The following SCAF1 variants were observed in gnomAD, a reference collection of about 807,000 sequenced individuals.
SCAF1 encodes SR-related CTD associated factor 1.
In SCAF1, 28 loss-of-function variants were observed where a neutral mutation model predicts 91.2. The observed-to-expected ratio is 0.31, with a 90% CI of 0.23 to 0.42. The LOEUF (loss-of-function observed/expected upper bound fraction) is 0.42, where lower values mean the gene tolerates loss of function less well. SCAF1 is among the 10% of genes least tolerant of loss of function. The pLI is 1.00. For missense variants in SCAF1, 1,893 were observed against 1,872.1 expected (o/e 1.01, Z -0.21); for synonymous variants, 1,036 against 833.7 (o/e 1.24, Z -4.18).
Position 49,654,329 on chromosome 19 carries a change from C to T in SCAF1, c.3317-20C>T, listed in dbSNP as rs1391756305. The T allele has an allele frequency of 2.5e-6, 4 of 1,610,102 alleles. No homozygotes were observed. Among genetic ancestry groups the T allele is most frequent in the Non-Finnish European group, 3.4e-6 (4 of 1,177,350 alleles). On this transcript the variant is annotated intron_variant, in intron 7 of 10. Transcript: ENST00000360565. ...GTCACCTCTCCCATCTTCATGTTGT[C>T]ACCTCTCTGCCTCCTGCAGTGACTG...
Position 49,652,759 on chromosome 19 carries a change from G to C in SCAF1, c.2370G>C (p.Arg790Ser). 6.2e-7 allele frequency: 1 copy of C among 1,611,710 alleles called. No individual in the cohort carries two copies. Among genetic ancestry groups the C allele is most frequent in the South Asian group, 1.1e-5 (1 of 90,704 alleles). ...GGGACAGAGATAGGGACAGGGACAG[G>C]TCATCCAAGAAGGCCCGGCCCCCCA... ...RDRDRDRDRD[R>S]SSKKARPPKE... Residue 790 changes from arginine to serine, a missense_variant, in exon 7 of 11, where the codon AGG (arginine) becomes AGC (serine). By Grantham distance (110) the Arg-to-Ser change is moderately radical. Around this residue, in one of 5 missense-constraint regions of SCAF1, gnomAD observed 1,436 missense variants for 1,306.8 expected, o/e 1.10. Transcript: ENST00000360565.
At chr19:49,655,936 GC>G (rs2081136297) in intron 9 of SCAF1, among the ~76,000 whole-genome samples, 1 of 152,212 alleles carries the variant, frequency 6.6e-6, no homozygotes, top group South Asian at 2.1e-4. Context: ...CTCCCAAAGT[GC>G]TGGGATTATA....
At position 49,651,896 on chromosome 19, in the gene SCAF1, C is replaced by G; in HGVS notation, c.1507C>G (p.Pro503Ala). 1 of 1,166,070 alleles carries G rather than the reference C, an allele frequency of 8.6e-7. No homozygotes were observed. The highest frequency in any genetic ancestry group is 1.1e-6 in the Non-Finnish European group (1 of 942,354). 72.2% of individuals were successfully genotyped at this position (1,166,070 alleles called of 1,614,324 possible). ...RYRQRSPSPA[P>A]APAPAAAAGP... ...CCGCCAGCGCTCGCCCTCCCCGGCGCCCGCGCCCGCCCCGGCCGCCGCTGC... is the reference window on the plus strand; with the variant it reads ...CCGCCAGCGCTCGCCCTCCCCGGCGGCCGCGCCCGCCCCGGCCGCCGCTGC... Residue 503 changes from proline to alanine, a missense_variant, in exon 7 of 11, where the codon CCC becomes GCC. Coordinates refer to ENST00000360565, the MANE Select transcript of SCAF1 (RefSeq NM_021228.3).
rs2081048044 is a variant in SCAF1, at chr19:49,645,258, A to G, written c.109-96A>G. ...TGGCTCCCTTGAAGCACTTGAGTCT[A>G]GCTGTCAGTGTCTGGGATGTCTGTC... On this transcript the variant is annotated intron_variant, in intron 2 of 10. Transcript: ENST00000360565. This position sits in a 1 kb window ranked among gnomAD's most constrained non-coding sequence, Gnocchi z 4.6. The G allele has an allele frequency of 2.0e-6, 3 of 1,516,434 alleles. No individual in the cohort carries two copies. The highest frequency in any genetic ancestry group is 2.7e-6 in the Non-Finnish European group (3 of 1,093,324). The allele number at this position is 1,516,434 out of a possible 1,614,324, so 93.9% of individuals were successfully genotyped here.
rs879133863 is a variant in SCAF1 at position 49,658,365 on chromosome 19, A to T, written c.3905A>T (p.Lys1302Met). The change falls in exon 11 of 11, where the codon AAG (lysine) becomes ATG (methionine). Residue 1302 changes from lysine (K) to methionine (M), a missense_variant. By Grantham distance (95) the Lys-to-Met change is moderately conservative. Around this residue, in one of 5 missense-constraint regions of SCAF1, gnomAD observed 51 missense variants for 49.9 expected, o/e 1.02. Transcript: ENST00000360565. ...RPPKEPGPPD[K>M]GGPGLPLPPL Reference sequence around the variant, plus strand: ...CCCAAGGAGCCAGGGCCCCCAGACAAGGGTGGCCCGGGCCTGCCCCTGCCC... The same window carrying T: ...CCCAAGGAGCCAGGGCCCCCAGACATGGGTGGCCCGGGCCTGCCCCTGCCC... 7.7e-6 allele frequency: 12 copies of T among 1,555,396 alleles called. No homozygotes were observed. The highest frequency in any genetic ancestry group is 1.4e-5 in the African/African-American group (1 of 73,216).
chr19:49,652,219 G>A lies in SCAF1; in HGVS notation c.1830G>A (p.Arg610=). The change falls in exon 7 of 11, where the codon CGG becomes CGA. Residue 610 remains arginine, a synonymous_variant. Transcript: ENST00000360565. ...CCCGGGAGAAGCGGCGACGGCGGCG[G>A]CGCTCCGCCTCCCCGCCCCCGGCCA... ...SRSREKRRRR[R]RSASPPPATS... The A allele has an allele frequency of 7.5e-7, 1 of 1,341,978 alleles. No homozygotes were observed. Among genetic ancestry groups the A allele is most frequent in the South Asian group, 1.8e-5 (1 of 56,646 alleles). 83.1% of individuals were successfully genotyped at this position (1,341,978 alleles called of 1,614,324 possible). A position where few individuals can be genotyped will look rare whatever the true frequency, so the allele number is the denominator to read the frequency against.
chr19:49,654,236 G>T, intron 7 of SCAF1, 113 bp from the exon 8 acceptor site: 2 of 851,196 alleles, frequency 2.3e-6, no homozygotes, highest in Non-Finnish European at 3.8e-6. Flanking sequence ...GAGGCTTTGT[G>T]GCTGTTCTGG....
chr19:49,653,753 T>G lies in SCAF1; in HGVS notation c.3316+48T>G, dbSNP rs1342180728. ...TGGTGCTGGGGCAGGTGAGACAGGA[T>G]GGGGACTGGAGGGTACAGACTTAGA... On this transcript the variant is annotated intron_variant, in intron 7 of 10. Coordinates refer to ENST00000360565, the MANE Select transcript of SCAF1 (RefSeq NM_021228.3). The G allele has an allele frequency of 3.4e-6, 5 of 1,459,178 alleles. No homozygotes were observed. In the African/African-American group the frequency reaches 7.1e-5, roughly 21 times the overall value. The allele number at this position is 1,459,178 out of a possible 1,614,324, so 90.4% of individuals were successfully genotyped here.
chr19:49,656,641 G>A (rs554123311), intron 9 of SCAF1, among the ~76,000 whole-genome samples: 48 of 152,286 alleles, frequency 3.2e-4, no homozygotes, highest in African/African-American at 1.0e-3. Context: ...CTGCGGCTGC[G>A]GGATCTCCTA....
intron 1 of SCAF1, among the ~76,000 whole-genome samples, chr19:49,644,559 A>G (rs2081043777): frequency 6.6e-6 from 1 of 152,184 alleles, no homozygotes; most frequent in Admixed American, 6.5e-5. Flanking sequence ...CATGGTGTTG[A>G]ATATTGCCCA....
In SCAF1 at chr19:49,652,797, C is replaced by T. The variant is rs1372008772; in HGVS notation, c.2408C>T (p.Pro803Leu). Residue 803 changes from proline to leucine, a missense_variant, in exon 7 of 11, where the codon CCT becomes CTT. Around this residue, in one of 5 missense-constraint regions of SCAF1, gnomAD observed 1,436 missense variants for 1,306.8 expected, o/e 1.10. Transcript: ENST00000360565. The stretch of plus-strand genomic sequence containing the variant: ...GCCCGGCCCCCCAAGGAGTCGGCGC[C>T]TTCCTCAGGGCCCCCGCCAAAGCCA... Reference protein sequence around the residue: ...KKARPPKESAPSSGPPPKPPV... With the variant: ...KKARPPKESALSSGPPPKPPV... 1 of 1,613,776 alleles carries T rather than the reference C, an allele frequency of 6.2e-7. No individual in the cohort carries two copies. Among genetic ancestry groups the T allele is most frequent in the Non-Finnish European group, 8.5e-7 (1 of 1,179,940 alleles).
At chr19:49,658,163 GC>G in intron 10 of SCAF1, 44 bp from the exon 11 acceptor site, 1 of 1,583,102 alleles carries the variant, frequency 6.3e-7, no homozygotes, top group Non-Finnish European at 8.6e-7. Context: ...GGTGGATGGG[GC>G]CCCGGGAGCC....
At position 49,650,906 on chromosome 19, in the gene SCAF1, C is replaced by T. The variant is rs772975267; in HGVS notation, c.517C>T (p.Arg173Cys). 15 of 1,610,642 alleles carry T rather than the reference C, an allele frequency of 9.3e-6. No individual in the cohort carries two copies. Among genetic ancestry groups the T allele is most frequent in the East Asian group, 2.2e-5 (1 of 44,838 alleles). The change falls in exon 7 of 11, where the codon CGT (arginine) becomes TGT (cysteine). Residue 173 changes from arginine to cysteine, a missense_variant. Arg to Cys is a radical substitution (Grantham distance 180). Coordinates refer to ENST00000360565, the MANE Select transcript of SCAF1 (RefSeq NM_021228.3). ...QSNSSRPTCA[R>C]HLTLGTGDGG... ...GAACTCCTCTAGGCCCACCTGTGCCCGTCACCTCACCTTGGGCACGGGAGA... is the reference window on the plus strand; with the variant it reads ...GAACTCCTCTAGGCCCACCTGTGCCTGTCACCTCACCTTGGGCACGGGAGA...
Position 49,654,408 on chromosome 19 carries a change from G to A in SCAF1, c.3376G>A (p.Glu1126Lys). 6.2e-7 allele frequency: 1 copy of A among 1,613,472 alleles called. No individual in the cohort carries two copies. Among genetic ancestry groups the A allele is most frequent in the Non-Finnish European group, 8.5e-7 (1 of 1,179,940 alleles). Residue 1126 changes from glutamate to lysine, a missense_variant, in exon 8 of 11, where the codon GAG becomes AAG. Transcript: ENST00000360565. ...ANLASRAKAQ[E>K]LIQATNQILS... ...CCTGGCGAGCCGAGCGAAGGCCCAG[G>A]AGCTGATCCAGGCCACCAACCAGGT...
At chr19:49,641,513 C>T (rs2081025980), upstream of SCAF1, among the ~76,000 whole-genome samples, 2 of 152,148 alleles carry the variant, frequency 1.3e-5, no homozygotes, top group Admixed American at 6.5e-5. Context: ...GACTGGGTTT[C>T]ACCATGTTGG....
Position 49,646,575 on chromosome 19 carries a change from T to C in SCAF1, c.311T>C (p.Leu104Pro), listed in dbSNP as rs775361707. 5.0e-6 allele frequency: 8 copies of C among 1,614,112 alleles called. No homozygotes were observed. In the South Asian group the frequency reaches 8.8e-5, roughly 18 times the overall value. The change falls in exon 5 of 11, where the codon CTG becomes CCG. Residue 104 changes from leucine (L) to proline (P), a missense_variant. Leu to Pro is a moderately conservative substitution (Grantham distance 98, BLOSUM62 -3). Coordinates refer to ENST00000360565, the MANE Select transcript of SCAF1 (RefSeq NM_021228.3). The surrounding 1 kb of genome is among the most constrained non-coding windows in gnomAD (Gnocchi z 5.6). ...TTCCTCGCAGGGCTGGTGAGTGTCC[T>C]GGATCCCCCGGATACCTGGGTTCCC... ...DSFLAGLVSV[L>P]DPPDTWVPSR...
rs754960278 is a variant in SCAF1, at chr19:49,653,448, G to C, written c.3059G>C (p.Gly1020Ala). 6.5e-7 allele frequency: 1 copy of C among 1,546,006 alleles called. No homozygotes were observed. The highest frequency in any genetic ancestry group is 2.3e-5 in the East Asian group (1 of 42,968). Residue 1020 changes from glycine (G) to alanine (A), a missense_variant, in exon 7 of 11, where the codon GGG becomes GCG. By Grantham distance (60) the Gly-to-Ala change is moderately conservative. This residue lies in a region of SCAF1 where 1,436 missense variants were observed against 1,306.8 expected (regional missense o/e 1.10). Coordinates refer to ENST00000360565, the MANE Select transcript of SCAF1 (RefSeq NM_021228.3). ...ACTGAGGAGGCTGGGGTCCGAGGTG[G>C]GGCGGAGGAGGAGGAGGAGGAAGAA... Reference protein sequence around the residue: ...EATEEAGVRGGAEEEEEEEEE... With the variant: ...EATEEAGVRGAAEEEEEEEEE...
intron 10 of SCAF1, 116 bp downstream of exon 10, chr19:49,658,005 TGAG>T: frequency 2.1e-6 from 3 of 1,401,490 alleles, no homozygotes; most frequent in Non-Finnish European, 2.9e-6. Context: ...GTCTGGGAGG[TGAG>T]GAGGGTGACA....
Position 49,653,244 on chromosome 19 carries a change from A to G in SCAF1, c.2855A>G (p.Gln952Arg). ...AAGTCCAAGGCGGATAGCTGCAGCC[A>G]GGCGGCAGGCACCAAGGGGGCGGAG... ...LKKSKADSCSQAAGTKGAEET... is the reference protein window; with the variant it reads ...LKKSKADSCSRAAGTKGAEET... Residue 952 changes from glutamine (Q) to arginine (R), a missense_variant, in exon 7 of 11, where the codon CAG becomes CGG. This residue lies in a region of SCAF1 where 1,436 missense variants were observed against 1,306.8 expected (regional missense o/e 1.10). Transcript: ENST00000360565. 2 of 1,494,308 alleles carry G rather than the reference A, an allele frequency of 1.3e-6. No individual in the cohort carries two copies. The highest frequency in any genetic ancestry group is 1.8e-6 in the Non-Finnish European group (2 of 1,120,378). 92.6% of individuals were successfully genotyped at this position (1,494,308 alleles called of 1,614,324 possible).
Sources: gnomAD v4.1 joint callset for allele counts (sites outside exome capture counted in the v4.1 genomes callset) on GRCh38, gnomAD v4.1.1 for gene constraint, gnomAD v4.1.1 regional missense constraint, Gnocchi (gnomAD v3.1) non-coding constraint, MANE v1.5 for transcripts, NCBI Gene and HGNC (gene_info 2026-07-23, HGNC 2026-07-21) for gene names.